TENM2: variants seen among roughly 807,000 people sequenced by gnomAD.
TENM2 encodes the protein teneurin-2.
In TENM2, 52 loss-of-function variants were observed where a neutral mutation model predicts 245.2. The ratio of observed to expected loss-of-function variants is 0.21; its 90% confidence interval spans 0.17 to 0.27. The LOEUF (loss-of-function observed/expected upper bound fraction) is 0.27. TENM2 is among the 10% of genes least tolerant of loss of function. The probability of loss-of-function intolerance (pLI) is 1.00; values close to 1 mark genes in which losing one functional copy is unlikely to be tolerated. For synonymous variants in TENM2, 1,363 were observed against 1,438.9 expected (o/e 0.95, Z 1.19); for missense variants, 3,046 against 3,666.8 (o/e 0.83, Z 4.37).
At chr5:167,279,461 CCTTCCCTT>C in the TENM2 span, among the ~76,000 whole-genome samples, 1 of 151,282 alleles carries the variant, frequency 6.6e-6, no homozygotes. Context: ...TATCTTTCTT[CCTTCCCTT>C]CTTCCCTTCT....
At chr5:167,658,002 G>T (rs77900520) in intron 2 of TENM2, among the ~76,000 whole-genome samples, 2,180 of 152,298 alleles carry the variant, frequency 0.014, 50 homozygotes, top group African/African-American at 0.05. Context: ...AGTTGCCATA[G>T]AAAGTGTTAT....
intron 2 of TENM2, among the ~76,000 whole-genome samples, chr5:167,794,637 G>A (rs1294971766): frequency 2.0e-5 from 3 of 152,186 alleles, no homozygotes; most frequent in East Asian, 1.9e-4. Flanking sequence ...AACTGTCTTG[G>A]GGACATGTTT....
At chr5:167,603,878 TG>T (rs1020610913) in intron 2 of TENM2, among the ~76,000 whole-genome samples, 1 of 152,176 alleles carries the variant, frequency 6.6e-6, no homozygotes, top group African/African-American at 2.4e-5. Flanking sequence ...TGAAAAATGT[TG>T]TAAGTACCTG....
At chr5:167,836,450 A>T (rs2151122784) in intron 2 of TENM2, among the ~76,000 whole-genome samples, 1 of 152,326 alleles carries the variant, frequency 6.6e-6, no homozygotes. Context: ...CTCTGTGACA[A>T]ATTGTGACAT....
chr5:167,177,743 G>A, the TENM2 span, among the ~76,000 whole-genome samples: 2,662 of 152,248 alleles, frequency 0.017, 85 homozygotes, highest in African/African-American at 0.06. Context: ...ATAGGAACAC[G>A]GGAAAGGACT....
At chr5:167,519,886 GA>G (rs1485093478) in intron 2 of TENM2, among the ~76,000 whole-genome samples, 2 of 152,142 alleles carry the variant, frequency 1.3e-5, no homozygotes, top group Non-Finnish European at 2.9e-5. Flanking sequence ...AATTTTAAGT[GA>G]ATGTTAGTTG....
At chr5:168,083,672 T>TC (rs1465670195) in intron 7 of TENM2, among the ~76,000 whole-genome samples, 1 of 152,118 alleles carries the variant, frequency 6.6e-6, no homozygotes, top group Admixed American at 6.5e-5. Context: ...GTAGCAAGTT[T>TC]TTTTTTCAAA....
intron 3 of TENM2, among the ~76,000 whole-genome samples, chr5:167,925,267 A>G (rs1777663594): frequency 6.6e-6 from 1 of 152,234 alleles, no homozygotes; most frequent in Non-Finnish European, 1.5e-5. Context: ...GAAAGAAGTC[A>G]GACATAAAAT....
In TENM2 at chr5:168,219,979, T is replaced by G. The variant is rs1406736527; in HGVS notation, c.5108+980T>G. On this transcript the variant is annotated intron_variant, in intron 23 of 28. Coordinates refer to ENST00000518659, the Ensembl canonical transcript of TENM2. ...GGAAGCTGTTGCCACCTGCTGGATA[T>G]TTAGTGCATTGCAGAAGAATTGCTT... 1.2e-4 allele frequency among the ~76,000 whole-genome samples: 18 copies of G among 152,150 alleles called. 1 individual carries two copies. Among genetic ancestry groups the G allele is most frequent in the Admixed American group, 1.2e-3 (18 of 15,282 alleles).
intron 2 of TENM2, among the ~76,000 whole-genome samples, chr5:167,377,750 C>T (rs1458578352): frequency 6.6e-6 from 1 of 152,122 alleles, no homozygotes; most frequent in Non-Finnish European, 1.5e-5. Context: ...TTTTTCACAT[C>T]ACTGATTTTA....
the TENM2 span, among the ~76,000 whole-genome samples, chr5:167,017,872 T>A: frequency 6.6e-6 from 1 of 151,982 alleles, no homozygotes; most frequent in East Asian, 1.9e-4. Context: ...ACATTACCGT[T>A]GTCACGGACA....
rs546868074 is a variant in TENM2 at position 167,378,816 on chromosome 5, C to A, written c.502+3343C>A. 4.6e-5 allele frequency among the ~76,000 whole-genome samples: 7 copies of A among 150,832 alleles called. No homozygotes were observed. In the South Asian group the frequency reaches 1.5e-3, roughly 32 times the overall value. On this transcript the variant is annotated intron_variant, in intron 2 of 28. Coordinates refer to ENST00000518659, the Ensembl canonical transcript of TENM2. ...CAAACTAAAAAATCTTGTCTATGTT[C>A]TCTTGACTCCCTTAGGCGATTTCTT...
chr5:167,022,508 T>C, the TENM2 span, among the ~76,000 whole-genome samples: 1 of 152,230 alleles, frequency 6.6e-6, no homozygotes, highest in Non-Finnish European at 1.5e-5. Context: ...TTACCTGAAA[T>C]TCAAATTTAA....
chr5:167,256,969 A>AT, the TENM2 span, among the ~76,000 whole-genome samples: 2 of 151,978 alleles, frequency 1.3e-5, no homozygotes, highest in Non-Finnish European at 1.5e-5. Flanking sequence ...GTGAGATGCA[A>AT]TTTTCCATTA....
At chr5:167,518,907 T>G (rs1008958604) in intron 2 of TENM2, among the ~76,000 whole-genome samples, 5 of 152,098 alleles carry the variant, frequency 3.3e-5, no homozygotes, top group Admixed American at 2.0e-4. Context: ...GTAGGCAGTA[T>G]CCATAATGAC....
intron 2 of TENM2, among the ~76,000 whole-genome samples, chr5:167,557,583 G>T (rs902732983): frequency 2.6e-5 from 4 of 152,202 alleles, no homozygotes; most frequent in African/African-American, 9.6e-5. Flanking sequence ...CTTGATAAGT[G>T]CACTGAATAC....
chr5:167,532,308 T>TC, intron 2 of TENM2, among the ~76,000 whole-genome samples: 1 of 149,814 alleles, frequency 6.7e-6, no homozygotes, highest in African/African-American at 2.4e-5. Context: ...TCTCTCTCTC[T>TC]TTTTATATAT....
At chr5:167,657,117 C>T (rs1040773069) in intron 2 of TENM2, among the ~76,000 whole-genome samples, 1 of 152,114 alleles carries the variant, frequency 6.6e-6, no homozygotes, top group Non-Finnish European at 1.5e-5. Flanking sequence ...TCCCCTTCTT[C>T]CCCTATGTTT....
At position 168,210,186 on chromosome 5, in the gene TENM2, G is replaced by C. The variant is rs539521025; in HGVS notation, c.3825-1548G>C. ...GCCTGCTAAGCACCCAGCCTGCTGT[G>C]ATCCTGGACTGGAATAGCAGTGACC... On this transcript the variant is annotated intron_variant, in intron 19 of 28. Coordinates refer to ENST00000518659, the Ensembl canonical transcript of TENM2. Among the ~76,000 whole-genome samples the C allele has an allele frequency of 2.0e-5, 3 of 152,254 alleles. No homozygotes were observed. The South Asian group carries it at 6.2e-4, about 32-fold the overall frequency.
Sources: allele counts gnomAD v4.1 joint callset (sites outside exome capture counted in the v4.1 genomes callset), GRCh38; gene constraint gnomAD v4.1.1; transcripts MANE v1.5; gene names NCBI Gene and HGNC (gene_info 2026-07-23, HGNC 2026-07-21).